The following CSMD1 variants were observed in gnomAD, a reference collection of about 807,000 sequenced individuals.
CSMD1 encodes the protein CUB and Sushi multiple domains 1, also known as CUB and sushi domain-containing protein 1.
In CSMD1, 213 loss-of-function variants were observed where a neutral mutation model predicts 417.5. That is an observed-to-expected ratio of 0.51 (90% CI 0.46 to 0.57). The LOEUF (loss-of-function observed/expected upper bound fraction) is 0.57, where lower values mean the gene tolerates loss of function less well. CSMD1 is among the 20% of genes least tolerant of loss of function. CSMD1 has a pLI of 0.00. For synonymous variants in CSMD1, 2,862 were observed against 1,736.8 expected (o/e 1.65, Z -16.11); for missense variants, 6,923 against 4,529.7 (o/e 1.53, Z -15.17).
At chr8:3,228,220 T>C (rs1291185806) in intron 27 of CSMD1, among the ~76,000 whole-genome samples, 1 of 152,220 alleles carries the variant, frequency 6.6e-6, no homozygotes, top group Non-Finnish European at 1.5e-5. Context: ...TAAAATGTAT[T>C]ACCCTTTAAT....
intron 10 of CSMD1, among the ~76,000 whole-genome samples, chr8:3,514,450 C>T (rs28369484): frequency 0.049 from 7,516 of 152,224 alleles, 213 homozygotes; most frequent in Middle Eastern, 0.088. Context: ...CATCTGCTCA[C>T]GGGTCATCCC....
intron 2 of CSMD1, among the ~76,000 whole-genome samples, chr8:4,445,703 G>C (rs980881100): frequency 2.6e-5 from 4 of 152,240 alleles, no homozygotes; most frequent in African/African-American, 4.8e-5. Context: ...AACTTGGAAG[G>C]AATTTCTATT....
chr8:4,873,105 A>C (rs1802830350), intron 1 of CSMD1, among the ~76,000 whole-genome samples: 1 of 152,124 alleles, frequency 6.6e-6, no homozygotes, highest in Admixed American at 6.5e-5. Context: ...ATGGTTACCA[A>C]AATGAAGGTA....
chr8:3,595,463 A>G (rs1039066997), intron 8 of CSMD1, among the ~76,000 whole-genome samples: 2 of 152,216 alleles, frequency 1.3e-5, no homozygotes, highest in African/African-American at 2.4e-5. Flanking sequence ...TAACACCACT[A>G]AAAATGCATC....
intron 10 of CSMD1, among the ~76,000 whole-genome samples, chr8:3,563,881 T>A (rs926459456): frequency 3.9e-5 from 6 of 152,114 alleles, no homozygotes; most frequent in Non-Finnish European, 7.4e-5. Flanking sequence ...AGAACTAGAC[T>A]CCGTCTCAAA....
intron 12 of CSMD1, among the ~76,000 whole-genome samples, chr8:3,461,637 G>A (rs1816511997): frequency 6.6e-6 from 1 of 152,336 alleles, no homozygotes; most frequent in East Asian, 1.9e-4. Context: ...CTGTGGCCCA[G>A]CATCTTCCAG....
chr8:4,275,258 A>T (rs373051890), intron 3 of CSMD1, among the ~76,000 whole-genome samples: 1 of 152,150 alleles, frequency 6.6e-6, no homozygotes, highest in African/African-American at 2.4e-5. Flanking sequence ...GGGCGAAATG[A>T]AAGCAATATG....
chr8:3,044,774 T>C (rs1213486944), intron 50 of CSMD1, among the ~76,000 whole-genome samples: 1 of 152,228 alleles, frequency 6.6e-6, no homozygotes, highest in African/African-American at 2.4e-5. Context: ...TATTTACCAT[T>C]TGCATTTACT....
At chr8:3,894,026 G>A (rs1170602580) in intron 5 of CSMD1, among the ~76,000 whole-genome samples, 1 of 151,764 alleles carries the variant, frequency 6.6e-6, no homozygotes, top group African/African-American at 2.4e-5. Context: ...TCCCATAAAG[G>A]GAGTCTCCAT....
chr8:3,352,531 G>T (rs541429089), intron 21 of CSMD1, among the ~76,000 whole-genome samples: 8 of 152,246 alleles, frequency 5.3e-5, no homozygotes, highest in South Asian at 4.1e-4. Flanking sequence ...CTTACACAGT[G>T]CATGTTCTTA....
chr8:4,676,119 G>C (rs1296911172), intron 1 of CSMD1, among the ~76,000 whole-genome samples: 1 of 152,132 alleles, frequency 6.6e-6, no homozygotes, highest in Non-Finnish European at 1.5e-5. Context: ...ACACAATTCT[G>C]CTATGCATAA....
chr8:3,585,224 T>C (rs1800548974), intron 9 of CSMD1, among the ~76,000 whole-genome samples: 3 of 152,202 alleles, frequency 2.0e-5, no homozygotes, highest in South Asian at 4.1e-4. Flanking sequence ...AACTAGTTAT[T>C]TTCACAGGCT....
intron 5 of CSMD1, among the ~76,000 whole-genome samples, chr8:3,854,882 T>C (rs144890259): frequency 1.6e-3 from 250 of 152,308 alleles, no homozygotes; most frequent in African/African-American, 5.8e-3. Flanking sequence ...TAAAATATTA[T>C]ATGGACATTA....
At chr8:3,806,064 T>C (rs1054091858) in intron 5 of CSMD1, among the ~76,000 whole-genome samples, 2 of 152,172 alleles carry the variant, frequency 1.3e-5, no homozygotes, top group African/African-American at 4.8e-5. Context: ...TAATTTATAA[T>C]TGGACAAAAA....
chr8:3,809,240 A>C (rs1800924367), intron 5 of CSMD1, among the ~76,000 whole-genome samples: 1 of 152,168 alleles, frequency 6.6e-6, no homozygotes, highest in Non-Finnish European at 1.5e-5. Context: ...TCATCTAAAA[A>C]GACTTCTGAC....
chr8:3,340,770 T>C (rs1807591441), intron 23 of CSMD1, among the ~76,000 whole-genome samples: 1 of 152,158 alleles, frequency 6.6e-6, no homozygotes, highest in African/African-American at 2.4e-5. Flanking sequence ...GCACCACCAA[T>C]TTTCTATTAC....
chr8:3,019,011 C>A (rs28503331), intron 51 of CSMD1, among the ~76,000 whole-genome samples: 1 of 152,076 alleles, frequency 6.6e-6, no homozygotes, highest in Middle Eastern at 3.2e-3. Context: ...TCTACCTCCC[C>A]GGTTCAAGTG....
At chr8:3,600,365 G>T (rs1462884494) in intron 8 of CSMD1, among the ~76,000 whole-genome samples, 1 of 152,158 alleles carries the variant, frequency 6.6e-6, no homozygotes, top group Non-Finnish European at 1.5e-5. Context: ...TAGTTAAATT[G>T]ATAAACCATC....
intron 3 of CSMD1, among the ~76,000 whole-genome samples, chr8:4,202,122 G>C (rs2131258792): frequency 6.6e-6 from 1 of 151,818 alleles, no homozygotes; most frequent in East Asian, 1.9e-4. Flanking sequence ...TTTTTCTAGA[G>C]AAAACATCTT....
Sources: allele counts gnomAD v4.1 joint callset (sites outside exome capture counted in the v4.1 genomes callset), GRCh38; gene constraint gnomAD v4.1.1; transcripts MANE v1.5; gene names NCBI Gene and HGNC (gene_info 2026-07-23, HGNC 2026-07-21).